PCSK5: variants seen among roughly 807,000 people sequenced by gnomAD.
PCSK5 encodes proprotein convertase subtilisin/kexin type 5, also known as prohormone convertase 5.
A neutral mutation model predicts 233.2 loss-of-function variants in PCSK5; 129 were observed. The ratio of observed to expected loss-of-function variants is 0.55; its 90% CI spans 0.48 to 0.64. The LOEUF (loss-of-function observed/expected upper bound fraction) is 0.64. Among genes scored for constraint, PCSK5 ranks in the 30% least tolerant of loss-of-function variants. The pLI, the probability that PCSK5 is intolerant of heterozygous loss-of-function variation, is 0.00. For synonymous variants in PCSK5, 825 were observed against 879.2 expected, an observed-to-expected ratio of 0.94 and a Z score of 1.09; for missense variants, 2,076 against 2,430.1, an observed-to-expected ratio of 0.85 and a Z score of 3.06.
intron 20 of PCSK5, among the ~76,000 whole-genome samples, chr9:76,224,280 G>A (rs1825814044): frequency 6.6e-6 from 1 of 152,174 alleles, no homozygotes; most frequent in Admixed American, 6.5e-5. Flanking sequence ...AGGAACTGGT[G>A]GAGAAATATT....
In PCSK5 at chr9:75,891,224, C is replaced by G. The variant is rs750939358; in HGVS notation, c.43C>G (p.Leu15Val). 1 of 1,513,022 alleles carries G rather than the reference C, an allele frequency of 6.6e-7. No homozygotes were observed. The highest frequency in any genetic ancestry group is 8.8e-7 in the Non-Finnish European group (1 of 1,140,846). 93.7% of individuals were successfully genotyped at this position (1,513,022 alleles called of 1,614,324 possible). A position where few individuals can be genotyped will look rare whatever the true frequency, so the allele number is the denominator to read the frequency against. Residue 15 changes from leucine to valine, a missense_variant, in exon 1 of 38, where the codon CTG becomes GTG. Transcript: ENST00000674117. Reference protein sequence around the residue: ...SRCCCPGRLDLLCVLALLGGC... With the variant: ...SRCCCPGRLDVLCVLALLGGC... ...CTGCTGCTGCCCGGGACGTTTGGAC[C>G]TGCTGTGCGTGCTGGCGCTGCTCGG...
chr9:76,031,731 A>G (rs564100139), intron 5 of PCSK5, among the ~76,000 whole-genome samples: 1 of 152,308 alleles, frequency 6.6e-6, no homozygotes, highest in Admixed American at 6.5e-5. Flanking sequence ...TTATCAATAA[A>G]ATGTGTAAAA....
chr9:75,903,555 T>TA (rs1826133263), intron 1 of PCSK5, among the ~76,000 whole-genome samples: 1 of 82,298 alleles, frequency 1.2e-5, no homozygotes, highest in Non-Finnish European at 2.3e-5. Flanking sequence ...TGTGCATGTG[T>TA]GTATATATGT....
intron 2 of PCSK5, among the ~76,000 whole-genome samples, chr9:75,943,241 T>A (rs1267533598): frequency 6.6e-6 from 1 of 152,130 alleles, no homozygotes; most frequent in Non-Finnish European, 1.5e-5. Context: ...AACTAGAAAA[T>A]GTAATGATAG....
intron 8 of PCSK5, among the ~76,000 whole-genome samples, chr9:76,105,544 TA>T (rs1219798086): frequency 2.0e-5 from 3 of 152,248 alleles, no homozygotes; most frequent in South Asian, 4.2e-4. Flanking sequence ...TTTAACACAA[TA>T]AAAAAATACC....
At chr9:76,015,383 G>A (rs1827907794) in intron 3 of PCSK5, among the ~76,000 whole-genome samples, 1 of 152,136 alleles carries the variant, frequency 6.6e-6, no homozygotes, top group African/African-American at 2.4e-5. Flanking sequence ...CTATTTACCA[G>A]CTCTCTGGGC....
intron 28 of PCSK5, among the ~76,000 whole-genome samples, chr9:76,307,957 G>A (rs1211750638): frequency 6.6e-6 from 1 of 152,132 alleles, no homozygotes. Flanking sequence ...CAGCAGTTTG[G>A]GAGGCTGAGG....
At chr9:76,118,988 C>T (rs1564038785) in intron 9 of PCSK5, among the ~76,000 whole-genome samples, 1 of 151,472 alleles carries the variant, frequency 6.6e-6, no homozygotes, top group African/African-American at 2.4e-5. Flanking sequence ...TTAAACCAAC[C>T]TTTTTTTTAA....
intron 30 of PCSK5, among the ~76,000 whole-genome samples, chr9:76,311,741 T>C (rs1828870593): frequency 6.6e-6 from 1 of 152,162 alleles, no homozygotes; most frequent in Non-Finnish European, 1.5e-5. Context: ...CCAGTATTGG[T>C]CACTTCAGCG....
intron 6 of PCSK5, among the ~76,000 whole-genome samples, chr9:76,070,053 T>A (rs1009056208): frequency 6.1e-5 from 9 of 147,308 alleles, no homozygotes; most frequent in Admixed American, 1.4e-4. Context: ...CAGGCTGGAG[T>A]GCAGTGGCAT....
chr9:75,893,337 G>C (rs895554378), intron 1 of PCSK5, among the ~76,000 whole-genome samples: 3 of 152,224 alleles, frequency 2.0e-5, no homozygotes, highest in Middle Eastern at 6.8e-3. Context: ...GACTGTTGCA[G>C]GCCCAGTCCC....
chr9:76,281,166 T>C (rs1471432853), intron 24 of PCSK5, among the ~76,000 whole-genome samples: 2 of 152,064 alleles, frequency 1.3e-5, no homozygotes, highest in Non-Finnish European at 2.9e-5. Context: ...TTGATGGAGG[T>C]TAATATAGCA....
At chr9:76,167,817 C>A (rs1247571484) in intron 12 of PCSK5, among the ~76,000 whole-genome samples, 1 of 152,078 alleles carries the variant, frequency 6.6e-6, no homozygotes, top group Non-Finnish European at 1.5e-5. Flanking sequence ...TTTGTGTGTT[C>A]TGAATAGCCA....
intron 7 of PCSK5, among the ~76,000 whole-genome samples, chr9:76,094,316 A>T (rs1418585678): frequency 6.6e-6 from 1 of 152,172 alleles, no homozygotes; most frequent in East Asian, 1.9e-4. Context: ...CCTGGGGACC[A>T]GAAAATTAGG....
chr9:76,023,669 G>C, intron 3 of PCSK5, 69 bp from the exon 4 acceptor site: 1 of 1,396,898 alleles, frequency 7.2e-7, no homozygotes, highest in South Asian at 1.4e-5. Flanking sequence ...ACAAAAGAAA[G>C]AAAGAAATAG....
chr9:76,047,397 A>G (rs909039308), intron 5 of PCSK5, among the ~76,000 whole-genome samples: 1 of 152,156 alleles, frequency 6.6e-6, no homozygotes, highest in South Asian at 2.1e-4. Flanking sequence ...CATGCAGTTC[A>G]GGGCCTGACA....
chr9:76,184,792 C>A, intron 17 of PCSK5, 35 bp downstream of exon 17: 3 of 1,189,192 alleles, frequency 2.5e-6, no homozygotes, highest in Non-Finnish European at 3.7e-6. Context: ...AGTAACACAG[C>A]CCAAAGAGCT....
chr9:76,146,326 T>TA (rs150900509), intron 10 of PCSK5, among the ~76,000 whole-genome samples: 26,633 of 150,484 alleles, frequency 0.18, 2,774 homozygotes, highest in Middle Eastern at 0.25. Context: ...TTAGCTCTAA[T>TA]AAAAAAAAAT....
At chr9:76,320,486 T>TTTTTTTTA (rs1829164175) in intron 30 of PCSK5, among the ~76,000 whole-genome samples, 1 of 123,228 alleles carries the variant, frequency 8.1e-6, no homozygotes, top group African/African-American at 3.2e-5. Flanking sequence ...TTTTTTTTTT[T>TTTTTTTTA]GAGACAGAAT....
Sources: gnomAD v4.1 joint callset for allele counts (sites outside exome capture counted in the v4.1 genomes callset) on GRCh38, gnomAD v4.1.1 for gene constraint, MANE v1.5 for transcripts, NCBI Gene and HGNC (gene_info 2026-07-23, HGNC 2026-07-21) for gene names.